NALCN: variants seen among roughly 807,000 people sequenced by gnomAD.
NALCN encodes sodium leak channel NALCN.
A neutral mutation model predicts 225.3 loss-of-function variants in NALCN; 111 were observed. The ratio of observed to expected loss-of-function variants is 0.49; its 90% CI spans 0.42 to 0.58. The LOEUF is 0.58. Among genes scored for constraint, NALCN ranks in the 20% least tolerant of loss-of-function variants. The pLI is 0.00. For synonymous variants in NALCN, 764 were observed against 769.0 expected, an observed-to-expected ratio of 0.99 and a Z score of 0.11; for missense variants, 1,378 against 2,202.4, an observed-to-expected ratio of 0.63 and a Z score of 7.49.
At chr13:101,055,920 C>A (rs998402286) in intron 43 of NALCN, among the ~76,000 whole-genome samples, 1 of 151,862 alleles carries the variant, frequency 6.6e-6, no homozygotes, top group African/African-American at 2.4e-5. Flanking sequence ...GGTTCTGGGG[C>A]CTCACAGTCA....
intron 13 of NALCN, among the ~76,000 whole-genome samples, chr13:101,209,691 C>T (rs1300068108): frequency 6.6e-6 from 1 of 152,038 alleles, no homozygotes; most frequent in African/African-American, 2.4e-5. Flanking sequence ...GAAAGTTCTC[C>T]CTCGCTCTTC....
chr13:101,295,578 AT>A (rs377466958), intron 7 of NALCN, among the ~76,000 whole-genome samples: 5 of 151,542 alleles, frequency 3.3e-5, no homozygotes, highest in Non-Finnish European at 7.4e-5. Context: ...CTTCTACTCC[AT>A]TTTTTTTTCT....
chr13:101,090,676 C>T (rs544732103), intron 28 of NALCN, among the ~76,000 whole-genome samples: 4 of 152,128 alleles, frequency 2.6e-5, no homozygotes, highest in South Asian at 2.1e-4. Flanking sequence ...CTACCTCCAC[C>T]GCTGATTCCT....
chr13:101,271,582 T>C (rs1432431660), intron 10 of NALCN, among the ~76,000 whole-genome samples: 1 of 151,636 alleles, frequency 6.6e-6, no homozygotes, highest in African/African-American at 2.4e-5. Flanking sequence ...CCTGAGAAAT[T>C]GAAAATGAAT....
chr13:101,127,988 T>C (rs1224117307), intron 17 of NALCN, among the ~76,000 whole-genome samples: 2 of 152,176 alleles, frequency 1.3e-5, no homozygotes, highest in African/African-American at 4.8e-5. Context: ...CTGAAATAAT[T>C]AGCAAAACAA....
chr13:101,371,855 T>C (rs1257203105), intron 6 of NALCN, among the ~76,000 whole-genome samples: 1 of 152,210 alleles, frequency 6.6e-6, no homozygotes, highest in African/African-American at 2.4e-5. Context: ...CAGGCTGGGC[T>C]CAGGATTGTG....
rs182272441 is a variant in NALCN at position 101,411,977 on chromosome 13, G to A, written c.-40+4336C>T. Among the ~76,000 whole-genome samples the A allele has an allele frequency of 6.8e-3, 1,028 of 152,222 alleles. 7 individuals are homozygous for A. The highest frequency in any genetic ancestry group is 9.6e-3 in the Non-Finnish European group (651 of 68,018). On this transcript the variant is annotated intron_variant, in intron 1 of 43. Coordinates refer to ENST00000251127, the MANE Select transcript of NALCN (RefSeq NM_052867.4). Reference sequence around the variant, plus strand: ...TTATGTTTGCTGATAATTTTAGAGAGGAAGTATAACATTAATCTAAATTTT... The same window carrying A: ...TTATGTTTGCTGATAATTTTAGAGAAGAAGTATAACATTAATCTAAATTTT...
chr13:101,254,980 T>C (rs909704929), intron 11 of NALCN, among the ~76,000 whole-genome samples: 1 of 151,690 alleles, frequency 6.6e-6, no homozygotes, highest in Non-Finnish European at 1.5e-5. Context: ...GGAATAAGTG[T>C]ACCCCTGTGA....
intron 10 of NALCN, among the ~76,000 whole-genome samples, chr13:101,276,653 T>C (rs2042981740): frequency 6.6e-6 from 1 of 152,190 alleles, no homozygotes; most frequent in Non-Finnish European, 1.5e-5. Flanking sequence ...ACAAAATAAA[T>C]TTGTGGTTTC....
chr13:101,399,115 C>T lies in NALCN; in HGVS notation c.12G>A (p.Arg4=), dbSNP rs753452072. The change falls in exon 2 of 44, where the codon AGG becomes AGA. Residue 4 remains arginine (R), a synonymous_variant. Coordinates refer to ENST00000251127, the MANE Select transcript of NALCN (RefSeq NM_052867.4). ...GGGCTTCCACCCTGGAACTCTGCTT[C>T]CTTTTGAGCATGCTGAGGTTAGCTT... MLK[R]KQSSRVEAQP... The T allele has an allele frequency of 5.0e-5, 80 of 1,613,212 alleles. No homozygotes were observed. The South Asian group carries it at 8.7e-4, about 17-fold the overall frequency.
intron 14 of NALCN, among the ~76,000 whole-genome samples, chr13:101,181,621 C>T (rs1377777089): frequency 6.6e-6 from 1 of 151,164 alleles, no homozygotes; most frequent in African/African-American, 2.4e-5. Flanking sequence ...TGCCTGTGGC[C>T]CCAGCTACTT....
intron 15 of NALCN, among the ~76,000 whole-genome samples, chr13:101,147,831 C>T (rs2037431603): frequency 6.6e-6 from 1 of 152,110 alleles, no homozygotes; most frequent in Non-Finnish European, 1.5e-5. Flanking sequence ...AACATCTGCA[C>T]CCTCTGCCTC....
At chr13:101,222,242 C>G (rs1254916388) in intron 13 of NALCN, among the ~76,000 whole-genome samples, 1 of 152,132 alleles carries the variant, frequency 6.6e-6, no homozygotes, top group Non-Finnish European at 1.5e-5. Flanking sequence ...AACTCATGTT[C>G]TACAAACCCC....
chr13:101,279,798 C>G (rs1464367073), intron 10 of NALCN, among the ~76,000 whole-genome samples: 1 of 147,604 alleles, frequency 6.8e-6, no homozygotes, highest in South Asian at 2.2e-4. Context: ...GCCTGGGCGA[C>G]AGAGCGAGAC....
intron 6 of NALCN, chr13:101,368,452 T>C (rs1012069606): frequency 6.6e-6 from 1 of 152,022 alleles, no homozygotes; most frequent in Non-Finnish European, 1.5e-5. Flanking sequence ...TGAATAGTGC[T>C]GCAATAAACA....
intron 10 of NALCN, among the ~76,000 whole-genome samples, chr13:101,258,872 T>G (rs2042325639): frequency 6.6e-6 from 1 of 152,346 alleles, no homozygotes; most frequent in African/African-American, 2.4e-5. Flanking sequence ...TGGGTAGTAT[T>G]TATCCTTAAT....
chr13:101,230,514 G>A (rs989262874), intron 12 of NALCN, among the ~76,000 whole-genome samples: 22 of 152,166 alleles, frequency 1.4e-4, no homozygotes, highest in South Asian at 6.2e-4. Flanking sequence ...TCAGACCTAC[G>A]GAATGTGAGA....
intron 3 of NALCN, among the ~76,000 whole-genome samples, chr13:101,389,821 C>T (rs2139467459): frequency 6.6e-6 from 1 of 152,318 alleles, no homozygotes; most frequent in South Asian, 2.1e-4. Flanking sequence ...GTGGCTCACG[C>T]CTGGAATCCC....
chr13:101,395,357 G>A lies in NALCN; in HGVS notation c.117C>T (p.His39=), dbSNP rs1244971953. ...TGATGGCACAGATGCGCAGCAAAGA[G>A]TGAACCCACTGCAATGATGGTCCAG... ...DILWINKPWV[H]SLLRICAIIS... The change falls in exon 3 of 44, where the codon CAC becomes CAT. Residue 39 remains histidine (H), a synonymous_variant. Transcript: ENST00000251127. 1 of 1,613,418 alleles carries A rather than the reference G, an allele frequency of 6.2e-7. No individual in the cohort carries two copies. The highest frequency in any genetic ancestry group is 1.3e-5 in the African/African-American group (1 of 74,904).
Sources: allele counts gnomAD v4.1 joint callset (sites outside exome capture counted in the v4.1 genomes callset), GRCh38; gene constraint gnomAD v4.1.1; transcripts MANE v1.5; gene names NCBI Gene and HGNC (gene_info 2026-07-23, HGNC 2026-07-21).